The following GRAMD1A variants were observed in gnomAD, a reference collection of about 807,000 sequenced individuals.
GRAMD1A encodes GRAM domain containing 1A.
In GRAMD1A, 50 loss-of-function variants were observed where a neutral mutation model predicts 92.0. The observed-to-expected ratio is 0.54, with a 90% CI of 0.43 to 0.69. The LOEUF (loss-of-function observed/expected upper bound fraction) is 0.69, where lower values mean the gene tolerates loss of function less well. Ranked by LOEUF, GRAMD1A falls within the 30% of genes least tolerant of loss-of-function variation. GRAMD1A has a pLI of 0.00. For missense variants in GRAMD1A, 819 were observed against 978.9 expected (o/e 0.84, Z 2.18); for synonymous variants, 405 against 403.6 (o/e 1.00, Z -0.04).
rs776913228 is a variant in GRAMD1A at position 35,021,965 on chromosome 19, C to T, written c.1768C>T (p.Arg590Cys). ...GIHTSGSLSSRFSEPSVDQGP... is the reference protein window; with the variant it reads ...GIHTSGSLSSCFSEPSVDQGP... Reference sequence around the variant, plus strand: ...CTCTCCTGCAGGCTCCCTCAGCTCCCGCTTCTCCGAACCATCTGTGGACCA... The same window carrying T: ...CTCTCCTGCAGGCTCCCTCAGCTCCTGCTTCTCCGAACCATCTGTGGACCA... The change falls in exon 16 of 20, where the codon CGC (arginine) becomes TGC (cysteine). Residue 590 changes from arginine to cysteine, a missense_variant. Arg to Cys is a radical substitution (Grantham distance 180, BLOSUM62 -3). Coordinates refer to ENST00000317991, the MANE Select transcript of GRAMD1A (RefSeq NM_020895.5). The surrounding 1 kb of genome is among the most constrained non-coding windows in gnomAD (Gnocchi z 5.3). The T allele has an allele frequency of 1.5e-5, 25 of 1,613,968 alleles. No homozygotes were observed. Among genetic ancestry groups the T allele is most frequent in the Admixed American group, 1.2e-4 (7 of 59,988 alleles).
chr19:35,026,059 C>T lies in GRAMD1A; in HGVS notation c.2093C>T (p.Ser698Leu), dbSNP rs1193863139. ...ACCTCCTCCCCGCAGATGAAGTTCT[C>T]GCTGGAGAAGCTGCACCAAGGCATC... ...SVELLDEMKF[S>L]LEKLHQGITV... The change falls in exon 20 of 20, where the codon TCG (serine) becomes TTG (leucine). Residue 698 changes from serine to leucine, a missense_variant. This residue lies in a region of GRAMD1A where 577 missense variants were observed against 674.6 expected (regional missense o/e 0.86). Transcript: ENST00000317991. 6.3e-6 allele frequency: 10 copies of T among 1,590,490 alleles called. No individual in the cohort carries two copies. The highest frequency in any genetic ancestry group is 1.3e-5 in the African/African-American group (1 of 74,458).
At chr19:35,022,666 C>G (rs867680812) in intron 16 of GRAMD1A, among the ~76,000 whole-genome samples, 2 of 128,498 alleles carry the variant, frequency 1.6e-5, no homozygotes, top group African/African-American at 6.0e-5. Context: ...CAGGAGTTGG[C>G]GGGCAGGACG....
Position 35,019,459 on chromosome 19 carries a change from C to T in GRAMD1A, c.1401C>T (p.Ile467=). ...ACTCCGAGGTGCTGACGCAGGGCAT[C>T]CCCTACCAGGACTACTTCTACACTG... is the stretch of plus-strand genomic sequence containing the variant. ...VVDSEVLTQG[I]PYQDYFYTAH... Residue 467 remains isoleucine, a synonymous_variant, in exon 13 of 20, where the codon ATC becomes ATT. Coordinates refer to ENST00000317991, the MANE Select transcript of GRAMD1A (RefSeq NM_020895.5). The T allele has an allele frequency of 6.2e-7, 1 of 1,613,840 alleles. No homozygotes were observed. Among genetic ancestry groups the T allele is most frequent in the Non-Finnish European group, 8.5e-7 (1 of 1,179,784 alleles).
intron 1 of GRAMD1A, among the ~76,000 whole-genome samples, chr19:35,007,472 C>A (rs752174230): frequency 1.3e-5 from 2 of 152,240 alleles, no homozygotes; most frequent in South Asian, 4.2e-4. Flanking sequence ...GCGGAAGAAT[C>A]GCTTGAACCT....
At chr19:34,999,049 G>A (rs1316786402), upstream of GRAMD1A, among the ~76,000 whole-genome samples, 2 of 152,028 alleles carry the variant, frequency 1.3e-5, no homozygotes, top group Non-Finnish European at 2.9e-5. Flanking sequence ...GTAGTTAACT[G>A]ACTCAGGTGG....
chr19:35,005,985 C>T, intron 1 of GRAMD1A: 3 of 456,188 alleles, frequency 6.6e-6, no homozygotes, highest in South Asian at 4.6e-5. Context: ...CCCACCTGCA[C>T]CCCAGAATAC....
chr19:35,010,111 G>A lies in GRAMD1A; in HGVS notation c.345G>A (p.Gln115=). The change falls in exon 5 of 20, where the codon CAG becomes CAA. Residue 115 remains glutamine (Q), a synonymous_variant. Coordinates refer to ENST00000317991, the MANE Select transcript of GRAMD1A (RefSeq NM_020895.5). ...RLIVDYSCAL[Q]REILLQGRLY... Reference sequence around the variant, plus strand: ...TCTCAGATTACTCCTGCGCCCTGCAGCGTGAGATCCTGCTCCAGGGCCGCC... The same window carrying A: ...TCTCAGATTACTCCTGCGCCCTGCAACGTGAGATCCTGCTCCAGGGCCGCC... The A allele has an allele frequency of 1.2e-6, 2 of 1,611,658 alleles. No individual in the cohort carries two copies. Among genetic ancestry groups the A allele is most frequent in the Non-Finnish European group, 8.5e-7 (1 of 1,177,740 alleles).
upstream of GRAMD1A, among the ~76,000 whole-genome samples, chr19:34,996,922 CTTGTTTT>C (rs1458611261): frequency 1.3e-5 from 2 of 151,696 alleles, no homozygotes; most frequent in Non-Finnish European, 2.9e-5. Context: ...GCAATCAGCC[CTTGTTTT>C]TTGTTTTTTG....
chr19:35,022,083 C>G (rs757714959), intron 16 of GRAMD1A, 45 bp downstream of exon 16: 2 of 1,427,560 alleles, frequency 1.4e-6, no homozygotes, highest in Non-Finnish European at 9.8e-7. Context: ...CTGAACCTGC[C>G]TCCTGGCTGT....
At position 35,009,494 on chromosome 19, in the gene GRAMD1A, G is replaced by T. The variant is rs539426656; in HGVS notation, c.240+51G>T. ...TGGAGGGCTGGGAGGACCGGGTGCT[G>T]GGCCAGGAGCCCCAGGCTGCAACAG... On this transcript the variant is annotated intron_variant, in intron 3 of 19. Transcript: ENST00000317991. 7.8e-5 allele frequency: 125 copies of T among 1,598,402 alleles called. No individual in the cohort carries two copies. The South Asian group carries it at 1.3e-3, about 16-fold the overall frequency.
rs1421511926 is a variant in GRAMD1A at position 35,001,407 on chromosome 19, CGT to C, written c.8+926_8+927del. Among the ~76,000 whole-genome samples the C allele has an allele frequency of 2.6e-5, 4 of 152,102 alleles. No homozygotes were observed. The East Asian group carries it at 5.8e-4, about 22-fold the overall frequency. On this transcript the variant is annotated intron_variant, in intron 1 of 19. Transcript: ENST00000317991. The stretch of plus-strand genomic sequence containing the variant: ...TGTTTGTACATGTGTCTGGAGTTAC[CGT>C]GTGTAGCAGCTCTGATCCTTCTTGG...
intron 11 of GRAMD1A, among the ~76,000 whole-genome samples, chr19:35,018,332 G>A (rs1485500560): frequency 6.6e-6 from 1 of 152,180 alleles, no homozygotes; most frequent in Non-Finnish European, 1.5e-5. Flanking sequence ...GAAAGGCAAA[G>A]GGGGAGCAAG....
At position 35,009,210 on chromosome 19, in the gene GRAMD1A, G is replaced by A; in HGVS notation, c.100G>A (p.Glu34Lys). 1 of 1,613,744 alleles carries A rather than the reference G, an allele frequency of 6.2e-7. No individual in the cohort carries two copies. The highest frequency in any genetic ancestry group is 1.1e-5 in the South Asian group (1 of 91,082). Residue 34 changes from glutamate (E) to lysine (K), a missense_variant, in exon 2 of 20, where the codon GAG (glutamate) becomes AAG (lysine). Physicochemically the swap from Glu to Lys is moderately conservative, Grantham distance 56. This residue lies in a region of GRAMD1A where 98 missense variants were observed against 84.0 expected (regional missense o/e 1.17). Coordinates refer to ENST00000317991, the MANE Select transcript of GRAMD1A (RefSeq NM_020895.5). The stretch of plus-strand genomic sequence containing the variant: ...CCTGCCCCCAAGCCGGCCCCCACCT[G>A]AGCCAGAACCAGGCACCATGGTGGA... ...QLLPPSRPPP[E>K]PEPGTMVEKG...
intron 1 of GRAMD1A, among the ~76,000 whole-genome samples, chr19:35,005,353 C>T (rs914889491): frequency 2.6e-5 from 4 of 151,690 alleles, no homozygotes; most frequent in African/African-American, 9.7e-5. Context: ...GGGAAGGTGT[C>T]CACTGAGCAG....
At chr19:35,017,136 C>G (rs557135398) in intron 11 of GRAMD1A, among the ~76,000 whole-genome samples, 57 of 151,850 alleles carry the variant, frequency 3.8e-4, no homozygotes, top group African/African-American at 1.4e-3. Context: ...GATCATGCCA[C>G]TGCACCTCAG....
intron 16 of GRAMD1A, among the ~76,000 whole-genome samples, chr19:35,022,425 G>A (rs1048876169): frequency 5.3e-5 from 8 of 152,164 alleles, no homozygotes; most frequent in Admixed American, 2.6e-4. Flanking sequence ...TGAGGACACC[G>A]CAGTGACCTT....
intron 10 of GRAMD1A, chr19:35,015,405 A>T (rs1433937388): frequency 6.2e-6 from 1 of 160,658 alleles, no homozygotes; most frequent in Non-Finnish European, 1.4e-5. Context: ...TACAGCGGAC[A>T]CCCTAGGGTT....
At chr19:35,007,859 C>G (rs573336395) in intron 1 of GRAMD1A, among the ~76,000 whole-genome samples, 1 of 151,038 alleles carries the variant, frequency 6.6e-6, no homozygotes, top group Non-Finnish European at 1.5e-5. Context: ...AGTGACAGAG[C>G]GAGACCCTAT....
chr19:35,009,062 C>A, intron 1 of GRAMD1A, 57 bp from the exon 2 acceptor site: 2 of 1,192,750 alleles, frequency 1.7e-6, no homozygotes, highest in Non-Finnish European at 2.5e-6. Flanking sequence ...TAGGCCTGTC[C>A]CCGAATCCCA....
Sources: allele counts gnomAD v4.1 joint callset (sites outside exome capture counted in the v4.1 genomes callset), GRCh38; gene constraint gnomAD v4.1.1; regional missense constraint gnomAD v4.1.1; non-coding constraint Gnocchi (gnomAD v3.1); transcripts MANE v1.5; gene names NCBI Gene and HGNC (gene_info 2026-07-23, HGNC 2026-07-21).